The following STX18 variants were observed in gnomAD, a reference collection of about 807,000 sequenced individuals.
STX18 encodes syntaxin 18.
A neutral mutation model predicts 50.1 loss-of-function variants in STX18; 40 were observed. The ratio of observed to expected loss-of-function variants is 0.80; its 90% CI spans 0.62 to 1.04. STX18 has a LOEUF of 1.04. Ranked by LOEUF, STX18 falls within the 50% of genes least tolerant of loss-of-function variation. The probability of loss-of-function intolerance (pLI) is 0.00; values close to 1 mark genes in which losing one functional copy is unlikely to be tolerated. For synonymous variants in STX18, 158 were observed against 151.8 expected (o/e 1.04, Z -0.30); for missense variants, 410 against 415.8 (o/e 0.99, Z 0.12).
In STX18 at chr4:4,420,241, G is replaced by C; in HGVS notation, c.913-112C>G. On this transcript the variant is annotated intron_variant, in intron 10 of 10. Coordinates refer to ENST00000306200, the MANE Select transcript of STX18 (RefSeq NM_016930.4). The surrounding 1 kb of genome is among the most constrained non-coding windows in gnomAD (Gnocchi z 4.3). ...CTCCTGATCCTGGCTGTAACTATGGGTGTCGTTCCATCTGTGCTTACCTTG... is the reference window on the plus strand; with the variant it reads ...CTCCTGATCCTGGCTGTAACTATGGCTGTCGTTCCATCTGTGCTTACCTTG... 2 of 797,628 alleles carry C rather than the reference G, an allele frequency of 2.5e-6. No homozygotes were observed. Among genetic ancestry groups the C allele is most frequent in the Admixed American group, 2.1e-5 (1 of 46,876 alleles). 49.4% of individuals were successfully genotyped at this position (797,628 alleles called of 1,614,324 possible).
chr4:4,435,919 G>T (rs188170969), intron 6 of STX18, among the ~76,000 whole-genome samples: 44 of 152,348 alleles, frequency 2.9e-4, no homozygotes, highest in African/African-American at 1.0e-3. Context: ...GTTGGGAGCG[G>T]AGGGGAGAGG....
chr4:4,507,008 C>A, intron 1 of STX18: 1 of 387,158 alleles, frequency 2.6e-6, no homozygotes, highest in Non-Finnish European at 5.0e-6. Flanking sequence ...TTACTGTATG[C>A]TAATCTACAA....
chr4:4,478,587 G>A (rs929491966), intron 1 of STX18: 3 of 152,306 alleles, frequency 2.0e-5, no homozygotes, highest in Non-Finnish European at 4.4e-5. Context: ...GATGAATCAG[G>A]GTGGACAAAA....
At chr4:4,463,219 C>T (rs908699018) in intron 2 of STX18, among the ~76,000 whole-genome samples, 4 of 152,304 alleles carry the variant, frequency 2.6e-5, no homozygotes, top group Non-Finnish European at 5.9e-5. Context: ...TAGCCCATCA[C>T]AGCTACTCAA....
chr4:4,513,942 C>T (rs1011058427), intron 1 of STX18, among the ~76,000 whole-genome samples: 3 of 152,164 alleles, frequency 2.0e-5, no homozygotes, highest in African/African-American at 2.4e-5. Context: ...AAGACACTGA[C>T]GTCCTTAGCG....
rs376086196 is a variant in STX18, at chr4:4,457,517, C to T, written c.353-17G>A. On this transcript the variant is annotated splice_polypyrimidine_tract_variant and intron_variant, in intron 3 of 10. Transcript: ENST00000306200. ...CCTTGTGAGCTGTAACAGAAAAAGA[C>T]AATGTTCAGGCCTTCGCACTCAATT... 6.2e-7 allele frequency: 1 copy of T among 1,606,802 alleles called. No homozygotes were observed. Among genetic ancestry groups the T allele is most frequent in the Non-Finnish European group, 8.5e-7 (1 of 1,174,020 alleles).
In STX18 at chr4:4,542,007, A is replaced by T; in HGVS notation, c.-43T>A. The T allele has an allele frequency of 1.3e-6, 2 of 1,516,014 alleles. No individual in the cohort carries two copies. The highest frequency in any genetic ancestry group is 1.3e-5 in the South Asian group (1 of 79,268). The allele number at this position is 1,516,014 out of a possible 1,614,324, so 93.9% of individuals were successfully genotyped here. A position where few individuals can be genotyped will look rare whatever the true frequency, so the allele number is the denominator to read the frequency against. On this transcript the variant is annotated 5_prime_UTR_variant, in exon 1 of 11. Transcript: ENST00000306200. ...GCCCCACACTAGGCCCGCCCACGTA[A>T]GCAGCCGGCGACCGCGGCGCGAACC...
chr4:4,488,964 G>A (rs1728814684), intron 1 of STX18, among the ~76,000 whole-genome samples: 1 of 152,082 alleles, frequency 6.6e-6, no homozygotes, highest in South Asian at 2.1e-4. Flanking sequence ...CATCCATTCT[G>A]CTTGTCAGAT....
rs377052225 is a variant in STX18, at chr4:4,423,619, A to G, written c.762-32T>C. 8 of 1,601,630 alleles carry G rather than the reference A, an allele frequency of 5.0e-6. No individual in the cohort carries two copies. In the African/African-American group the frequency reaches 9.4e-5, roughly 19 times the overall value. Reference sequence around the variant, plus strand: ...AAAAAGAACAGATTACATATTAACTATTAGCACTTGGTAATCTAACAGGAC... The same window carrying G: ...AAAAAGAACAGATTACATATTAACTGTTAGCACTTGGTAATCTAACAGGAC... On this transcript the variant is annotated intron_variant, in intron 8 of 10. Coordinates refer to ENST00000306200, the MANE Select transcript of STX18 (RefSeq NM_016930.4).
At chr4:4,453,687 A>G in intron 5 of STX18, 1 of 983,370 alleles carries the variant, frequency 1.0e-6, no homozygotes, top group Non-Finnish European at 1.2e-6. Flanking sequence ...GGTAGAAAGA[A>G]GATATTTTTG....
chr4:4,479,847 A>G (rs781729281), intron 1 of STX18, among the ~76,000 whole-genome samples: 1 of 152,216 alleles, frequency 6.6e-6, no homozygotes, highest in African/African-American at 2.4e-5. Context: ...TTTTACTAGG[A>G]AACACCAAAC....
intron 2 of STX18, among the ~76,000 whole-genome samples, chr4:4,469,442 C>G (rs1409512571): frequency 2.0e-5 from 3 of 151,994 alleles, no homozygotes; most frequent in African/African-American, 7.3e-5. Context: ...GGCCTGTTGG[C>G]TTAAGGAGCA....
At chr4:4,429,879 G>A (rs1465341483) in intron 7 of STX18, among the ~76,000 whole-genome samples, 1 of 152,168 alleles carries the variant, frequency 6.6e-6, no homozygotes, top group African/African-American at 2.4e-5. Context: ...ACAGGGCCTT[G>A]GAAGACGCCT....
chr4:4,539,625 A>G (rs1338878033), intron 1 of STX18, among the ~76,000 whole-genome samples: 3 of 152,260 alleles, frequency 2.0e-5, no homozygotes, highest in Non-Finnish European at 4.4e-5. Context: ...ACTCACATCA[A>G]TACATAGCAG....
At chr4:4,422,884 G>C (rs1003220179) in intron 9 of STX18, among the ~76,000 whole-genome samples, 2 of 152,308 alleles carry the variant, frequency 1.3e-5, no homozygotes, top group South Asian at 2.1e-4. Context: ...TCTTTCAAAC[G>C]TTCCCATAGT....
At chr4:4,502,962 G>A (rs527530451) in intron 1 of STX18, among the ~76,000 whole-genome samples, 1 of 152,108 alleles carries the variant, frequency 6.6e-6, no homozygotes, top group Non-Finnish European at 1.5e-5. Context: ...ACAAAACAAC[G>A]CTCAGAAATC....
chr4:4,448,813 G>C (rs1387971507), intron 5 of STX18, among the ~76,000 whole-genome samples: 1 of 152,132 alleles, frequency 6.6e-6, no homozygotes, highest in Non-Finnish European at 1.5e-5. Context: ...CTAGGCCTTG[G>C]TTTTCTTAAC....
intron 9 of STX18, among the ~76,000 whole-genome samples, chr4:4,421,769 G>GTT (rs1222617444): frequency 6.6e-6 from 1 of 152,200 alleles, no homozygotes; most frequent in Non-Finnish European, 1.5e-5. Flanking sequence ...TTCAAAAATA[G>GTT]TGCTTTGTGT....
chr4:4,493,694 C>T (rs1254787211), intron 1 of STX18, among the ~76,000 whole-genome samples: 1 of 152,102 alleles, frequency 6.6e-6, no homozygotes, highest in Non-Finnish European at 1.5e-5. Flanking sequence ...TATACTAAAG[C>T]ATCAATAGAA....
Sources: gnomAD v4.1 joint callset for allele counts (sites outside exome capture counted in the v4.1 genomes callset) on GRCh38, gnomAD v4.1.1 for gene constraint, Gnocchi (gnomAD v3.1) non-coding constraint, MANE v1.5 for transcripts, NCBI Gene and HGNC (gene_info 2026-07-23, HGNC 2026-07-21) for gene names.